Variants in RARA observed in about 807,000 individuals in gnomAD.
RARA encodes the protein PML-DDX5-RARA fusion.
RARA carries 5 observed loss-of-function variants against 42.8 expected under a neutral mutation model. The ratio of observed to expected loss-of-function variants is 0.12; its 90% CI spans 0.06 to 0.25. The LOEUF is 0.25. RARA is among the 10% of genes least tolerant of loss of function. RARA has a pLI of 1.00. For missense variants in RARA, 402 were observed against 628.7 expected (o/e 0.64, Z 3.86); for synonymous variants, 256 against 259.5 (o/e 0.99, Z 0.13).
At chr17:40,349,721 C>T (rs572471800) in intron 3 of RARA, 63 bp from the exon 4 acceptor site, 10 of 1,595,476 alleles carry the variant, frequency 6.3e-6, no homozygotes, top group South Asian at 2.2e-5. Context: ...AGACTGAGAC[C>T]GTAGCCAGGC....
chr17:40,332,134 G>A (rs933277934), intron 2 of RARA, among the ~76,000 whole-genome samples: 9 of 152,196 alleles, frequency 5.9e-5, no homozygotes, highest in Non-Finnish European at 1.2e-4. Context: ...GCCGAGCCAG[G>A]TAGTGGGAGG....
At chr17:40,346,371 T>C (rs2034265580) in intron 2 of RARA, among the ~76,000 whole-genome samples, 1 of 151,962 alleles carries the variant, frequency 6.6e-6, no homozygotes, top group South Asian at 2.1e-4. Context: ...AGTGGGGCCT[T>C]GGGAGAGGCG....
intron 2 of RARA, chr17:40,341,740 A>C (rs2143381742): frequency 3.1e-6 from 4 of 1,283,090 alleles, no homozygotes; most frequent in Non-Finnish European, 3.9e-6. Context: ...CACCGGGACC[A>C]CCCCCCTCTT....
Position 40,356,808 on chromosome 17 carries a change from G to A in RARA, c.*582G>A. On this transcript the variant is annotated 3_prime_UTR_variant, in exon 9 of 9. Coordinates refer to ENST00000254066, the MANE Select transcript of RARA (RefSeq NM_000964.4). Reference sequence around the variant, plus strand: ...TCATTTTAAGCACATTTATACTGAAGGAATTTGTGCTGTGTATTGGGGGGA... The same window carrying A: ...TCATTTTAAGCACATTTATACTGAAAGAATTTGTGCTGTGTATTGGGGGGA... 2 of 481,910 alleles carry A rather than the reference G, an allele frequency of 4.2e-6. No individual in the cohort carries two copies. The highest frequency in any genetic ancestry group is 3.7e-5 in the South Asian group (2 of 53,348). 29.9% of individuals were successfully genotyped at this position (481,910 alleles called of 1,614,324 possible).
In RARA at chr17:40,331,404, T is replaced by G; in HGVS notation, c.178+8T>G. On this transcript the variant is annotated splice_region_variant and intron_variant, in intron 2 of 8. Coordinates refer to ENST00000254066, the MANE Select transcript of RARA (RefSeq NM_000964.4). ...GCACACCATCCCCAGCCAGTAAGTC[T>G]GGGTGTGGGGGCTGGGGTGGGAAGG... The G allele has an allele frequency of 1.2e-6, 2 of 1,611,580 alleles. No individual in the cohort carries two copies. The highest frequency in any genetic ancestry group is 1.7e-6 in the Non-Finnish European group (2 of 1,178,640).
chr17:40,315,496 G>T (rs2033194428), intron 1 of RARA, among the ~76,000 whole-genome samples: 2 of 152,188 alleles, frequency 1.3e-5, no homozygotes, highest in Middle Eastern at 3.4e-3. Context: ...GACTATTAAG[G>T]TACTTGTGGG....
intron 2 of RARA, chr17:40,341,218 A>G: frequency 3.7e-6 from 3 of 819,440 alleles, no homozygotes; most frequent in Non-Finnish European, 5.2e-6. Flanking sequence ...TTATCTCTCC[A>G]GAGCTGGACA....
intron 2 of RARA, among the ~76,000 whole-genome samples, chr17:40,335,250 A>C (rs1385102264): frequency 6.6e-6 from 1 of 151,974 alleles, no homozygotes; most frequent in Non-Finnish European, 1.5e-5. Context: ...AGAGTGTTTA[A>C]AGAGGAGTGG....
At chr17:40,324,795 T>C (rs1171445993) in intron 1 of RARA, among the ~76,000 whole-genome samples, 1 of 152,140 alleles carries the variant, frequency 6.6e-6, no homozygotes, top group Non-Finnish European at 1.5e-5. Flanking sequence ...CAAGAGGACA[T>C]GCTTATGGCC....
chr17:40,322,433 T>TC (rs968357678), intron 1 of RARA, among the ~76,000 whole-genome samples: 1 of 151,936 alleles, frequency 6.6e-6, no homozygotes, highest in Non-Finnish European at 1.5e-5. Context: ...CTGTTCCCTC[T>TC]CCCCACAGAG....
intron 2 of RARA, chr17:40,342,681 G>T: frequency 6.2e-7 from 1 of 1,603,382 alleles, no homozygotes; most frequent in South Asian, 1.1e-5. Flanking sequence ...TCCCAGCTCG[G>T]ACCTCTTGCC....
rs1226479292 is a variant in RARA, at chr17:40,320,794, G to A, written c.-362-10063G>A. Among the ~76,000 whole-genome samples, 1 of 152,170 alleles carries A rather than the reference G, an allele frequency of 6.6e-6. No homozygotes were observed. Among genetic ancestry groups the A allele is most frequent in the East Asian group, 1.9e-4 (1 of 5,194 alleles). ...ATTTGGGAGCACTGCCTGGGATCTG[G>A]GGTGATAGGCATCTGGGGATGGTAA... On this transcript the variant is annotated intron_variant, in intron 1 of 8. Transcript: ENST00000254066. This position sits in a 1 kb window ranked among gnomAD's most constrained non-coding sequence, Gnocchi z 4.1.
Position 40,351,231 on chromosome 17 carries a change from T to G in RARA, c.470-679T>G. 2.3e-5 allele frequency among the ~76,000 whole-genome samples: 2 copies of G among 85,916 alleles called. No homozygotes were observed. Among genetic ancestry groups the G allele is most frequent in the South Asian group, 3.7e-4 (1 of 2,722 alleles). 56.4% of individuals were successfully genotyped at this position (85,916 alleles called of 152,430 possible). On this transcript the variant is annotated intron_variant, in intron 4 of 8. Coordinates refer to ENST00000254066, the MANE Select transcript of RARA (RefSeq NM_000964.4). The surrounding 1 kb of genome is among the most constrained non-coding windows in gnomAD (Gnocchi z 4.1). ...CAGCTACCCCCACCTCGCTACCCCC[T>G]CCCTGAGCCCCTCCCCCACCCTCCC...
chr17:40,350,904 CTGTT>C (rs1352979605), intron 4 of RARA, among the ~76,000 whole-genome samples: 2 of 152,024 alleles, frequency 1.3e-5, no homozygotes, highest in African/African-American at 4.8e-5. Flanking sequence ...CTCCTCCTCT[CTGTT>C]TGTGCCACCT....
rs1044944455 is a variant in RARA, at chr17:40,351,374, C to G, written c.470-536C>G. The G allele has an allele frequency of 2.4e-6, 1 of 419,326 alleles. No homozygotes were observed. The highest frequency in any genetic ancestry group is 5.0e-6 in the Non-Finnish European group (1 of 198,378). 26.0% of individuals were successfully genotyped at this position (419,326 alleles called of 1,614,324 possible). Reference sequence around the variant, plus strand: ...CCGAGTGGTGTGTGCGGCTCAGCGCCCCTGGTGATTTGTCAGCTCCCCAGC... The same window carrying G: ...CCGAGTGGTGTGTGCGGCTCAGCGCGCCTGGTGATTTGTCAGCTCCCCAGC... On this transcript the variant is annotated intron_variant, in intron 4 of 8. Transcript: ENST00000254066. The surrounding 1 kb of genome is among the most constrained non-coding windows in gnomAD (Gnocchi z 4.1).
intron 2 of RARA, among the ~76,000 whole-genome samples, chr17:40,336,680 G>A (rs1161117518): frequency 8.6e-5 from 13 of 151,284 alleles, no homozygotes; most frequent in African/African-American, 3.2e-4. Context: ...GAGCCACCGC[G>A]CCCGGCTTGT....
Position 40,355,031 on chromosome 17 carries a change from C to A in RARA, c.1013-232C>A, listed in dbSNP as rs1335574796. Among the ~76,000 whole-genome samples the A allele has an allele frequency of 6.6e-6, 1 of 152,204 alleles. No homozygotes were observed. Among genetic ancestry groups the A allele is most frequent in the African/African-American group, 2.4e-5 (1 of 41,450 alleles). ...GGCACTGCCCATTTGGGGTCCCATC[C>A]CACTAACTGGGCTCAGGGAGGGTTT... On this transcript the variant is annotated intron_variant, in intron 7 of 8. Transcript: ENST00000254066. The surrounding 1 kb of genome is among the most constrained non-coding windows in gnomAD (Gnocchi z 4.1).
intron 4 of RARA, chr17:40,350,180 G>T: frequency 2.0e-6 from 1 of 512,516 alleles, no homozygotes; most frequent in Admixed American, 3.5e-5. Flanking sequence ...CTGCACGTCT[G>T]GCTGTGTGTG....
chr17:40,351,126 A>G lies in RARA; in HGVS notation c.470-784A>G, dbSNP rs1598582680. ...TTTTCTCTTCCCAAATTATCCCCCC[A>G]CTCTCCCTCTCCCTCTCCCTTCTCT... On this transcript the variant is annotated intron_variant, in intron 4 of 8. Coordinates refer to ENST00000254066, the MANE Select transcript of RARA (RefSeq NM_000964.4). This position sits in a 1 kb window ranked among gnomAD's most constrained non-coding sequence, Gnocchi z 4.1. Among the ~76,000 whole-genome samples, 1 of 140,264 alleles carries G rather than the reference A, an allele frequency of 7.1e-6. No homozygotes were observed. Among genetic ancestry groups the G allele is most frequent in the South Asian group, 2.3e-4 (1 of 4,264 alleles). The allele number at this position is 140,264 out of a possible 152,430, so 92.0% of individuals were successfully genotyped here.
Sources: allele counts gnomAD v4.1 joint callset (sites outside exome capture counted in the v4.1 genomes callset), GRCh38; gene constraint gnomAD v4.1.1; non-coding constraint Gnocchi (gnomAD v3.1); transcripts MANE v1.5; gene names NCBI Gene and HGNC (gene_info 2026-07-23, HGNC 2026-07-21).